The following CCDC91 variants were observed in gnomAD, a reference collection of about 807,000 sequenced individuals.
CCDC91 encodes coiled-coil domain containing 91.
In CCDC91, 48 loss-of-function variants were observed where a neutral mutation model predicts 63.2. The observed-to-expected ratio is 0.76, with a 90% CI of 0.60 to 0.97. The LOEUF (loss-of-function observed/expected upper bound fraction) is 0.97. Ranked by LOEUF, CCDC91 falls within the 50% of genes least tolerant of loss-of-function variation. The pLI is 0.00. For missense variants in CCDC91, 500 were observed against 494.6 expected, an observed-to-expected ratio of 1.01 and a Z score of -0.10; for synonymous variants, 167 against 165.8, an observed-to-expected ratio of 1.01 and a Z score of -0.06.
chr12:28,483,707 AAC>A (rs779403734), intron 11 of CCDC91, among the ~76,000 whole-genome samples: 10 of 152,144 alleles, frequency 6.6e-5, no homozygotes, highest in Non-Finnish European at 1.5e-5. Flanking sequence ...TGGAAGAATA[AAC>A]ACAAGTTGGA....
chr12:28,308,673 A>G (rs1939000757), intron 6 of CCDC91, among the ~76,000 whole-genome samples: 1 of 151,982 alleles, frequency 6.6e-6, no homozygotes. Flanking sequence ...CATAGCCTTC[A>G]AGTCTCTGTT....
At chr12:28,384,277 T>A (rs891647287) in intron 7 of CCDC91, among the ~76,000 whole-genome samples, 6 of 152,166 alleles carry the variant, frequency 3.9e-5, no homozygotes, top group African/African-American at 1.4e-4. Context: ...TTACTGATAG[T>A]AAGTATATTT....
intron 6 of CCDC91, among the ~76,000 whole-genome samples, chr12:28,317,819 AATCAGTATTTGCACCTTTTT>A (rs1263893786): frequency 6.6e-6 from 1 of 151,854 alleles, no homozygotes; most frequent in East Asian, 1.9e-4. Flanking sequence ...ACCTTTTTTT[AATCAGTATTTGCACCTTTTT>A]ATCAGTATTT....
intron 6 of CCDC91, among the ~76,000 whole-genome samples, chr12:28,315,977 A>G (rs150328191): frequency 5.2e-4 from 79 of 152,038 alleles, no homozygotes; most frequent in African/African-American, 1.8e-3. Flanking sequence ...AGAAATTCCT[A>G]TTCTTTCTAT....
chr12:28,400,230 T>G (rs1304095296), intron 8 of CCDC91, among the ~76,000 whole-genome samples: 1 of 152,208 alleles, frequency 6.6e-6, no homozygotes, highest in Non-Finnish European at 1.5e-5. Flanking sequence ...TGCCAAGGCT[T>G]GGGGCTTGCA....
chr12:28,286,873 C>T (rs886691593), intron 3 of CCDC91, among the ~76,000 whole-genome samples: 5 of 152,110 alleles, frequency 3.3e-5, no homozygotes, highest in African/African-American at 1.2e-4. Flanking sequence ...TAGCCAGCAT[C>T]TATTATTTTT....
intron 8 of CCDC91, among the ~76,000 whole-genome samples, chr12:28,415,421 C>G (rs1438551895): frequency 1.3e-5 from 2 of 152,056 alleles, no homozygotes; most frequent in Non-Finnish European, 2.9e-5. Flanking sequence ...CGGGGTTTCT[C>G]CATGTTGAGA....
intron 3 of CCDC91, among the ~76,000 whole-genome samples, chr12:28,298,658 C>G (rs552059665): frequency 1.3e-3 from 201 of 149,510 alleles, no homozygotes; most frequent in African/African-American, 4.7e-3. Flanking sequence ...TTCTTCTATC[C>G]TATCCCTTTG....
At chr12:28,517,485 C>G (rs1940080209) in intron 12 of CCDC91, among the ~76,000 whole-genome samples, 1 of 151,976 alleles carries the variant, frequency 6.6e-6, no homozygotes, top group Non-Finnish European at 1.5e-5. Context: ...TCTCTTTTAA[C>G]TGCCCTTTAA....
intron 1 of CCDC91, among the ~76,000 whole-genome samples, chr12:28,208,723 A>G (rs533153430): frequency 6.6e-6 from 1 of 152,212 alleles, no homozygotes; most frequent in African/African-American, 2.4e-5. Context: ...GATAGAGGGA[A>G]GACTTAACTT....
intron 8 of CCDC91, among the ~76,000 whole-genome samples, chr12:28,429,926 T>A (rs960322605): frequency 3.9e-5 from 6 of 152,168 alleles, no homozygotes; most frequent in Admixed American, 3.3e-4. Flanking sequence ...AAGTAGAATC[T>A]TTAGTGGAAA....
At chr12:28,440,020 A>T (rs568934643) in intron 8 of CCDC91, among the ~76,000 whole-genome samples, 100 of 152,092 alleles carry the variant, frequency 6.6e-4, no homozygotes, top group Non-Finnish European at 1.2e-3. Context: ...AGCAATTAAT[A>T]GAATATCTTA....
At chr12:28,435,750 C>T (rs1223675003) in intron 8 of CCDC91, among the ~76,000 whole-genome samples, 1 of 151,692 alleles carries the variant, frequency 6.6e-6, no homozygotes, top group Non-Finnish European at 1.5e-5. Context: ...TTTCTCCTTG[C>T]AGTTCTATCA....
intron 12 of CCDC91, among the ~76,000 whole-genome samples, chr12:28,493,765 C>T (rs1952137710): frequency 6.6e-6 from 1 of 151,546 alleles, no homozygotes; most frequent in Non-Finnish European, 1.5e-5. Context: ...CTTATAAAAA[C>T]AAAAATGTGC....
intron 1 of CCDC91, among the ~76,000 whole-genome samples, chr12:28,208,745 CT>C (rs1262497071): frequency 2.0e-5 from 3 of 152,154 alleles, no homozygotes; most frequent in Non-Finnish European, 2.9e-5. Flanking sequence ...TGTCTCTTGT[CT>C]TTCCCTTCCT....
chr12:28,491,899 AG>A (rs1952029412), intron 12 of CCDC91, among the ~76,000 whole-genome samples: 1 of 124,862 alleles, frequency 8.0e-6, no homozygotes, highest in Non-Finnish European at 1.7e-5. Context: ...GTGTGTGTGA[AG>A]GTGTAGGTGT....
intron 12 of CCDC91, among the ~76,000 whole-genome samples, chr12:28,486,492 A>G (rs2140947408): frequency 6.6e-6 from 1 of 152,250 alleles, no homozygotes; most frequent in Non-Finnish European, 1.5e-5. Flanking sequence ...AAGCAAACTC[A>G]TTCATAAGAT....
intron 11 of CCDC91, among the ~76,000 whole-genome samples, chr12:28,457,524 TGA>T (rs1260598921): frequency 6.7e-6 from 1 of 150,334 alleles, no homozygotes; most frequent in Non-Finnish European, 1.5e-5. Flanking sequence ...CAATTATTCC[TGA>T]GAAATGAAAA....
chr12:28,343,197 AAT>A (rs10566510), intron 6 of CCDC91, among the ~76,000 whole-genome samples: 125,265 of 145,676 alleles, frequency 0.86, 55,579 homozygotes, highest in South Asian at 0.97. Context: ...TATATTGTGT[AAT>A]ATATATATAT....
Sources: gnomAD v4.1 joint callset for allele counts (sites outside exome capture counted in the v4.1 genomes callset) on GRCh38, gnomAD v4.1.1 for gene constraint, MANE v1.5 for transcripts, NCBI Gene and HGNC (gene_info 2026-07-23, HGNC 2026-07-21) for gene names.